FYB1: variants seen among roughly 807,000 people sequenced by gnomAD.
The protein encoded by FYB1 is FYN-binding protein 1.
Under a neutral mutation model 94.1 loss-of-function variants are expected in FYB1, and 41 were observed. The observed-to-expected ratio is 0.44, with a 90% CI of 0.34 to 0.57. The LOEUF is 0.57. FYB1 is among the 20% of genes least tolerant of loss of function. FYB1 has a pLI of 0.02. For synonymous variants in FYB1, 367 were observed against 353.2 expected, an observed-to-expected ratio of 1.04 and a Z score of -0.44; for missense variants, 1,050 against 976.8, an observed-to-expected ratio of 1.07 and a Z score of -1.00.
Position 39,116,099 on chromosome 5 carries a change from C to A in FYB1, c.2401+2775G>T, listed in dbSNP as rs75767989. On this transcript the variant is annotated intron_variant, in intron 16 of 18. Transcript: ENST00000512982. Reference sequence around the variant, plus strand: ...AACACTGACACTTGGAGGTCTCCAGCATGATCAAGCTCCAATAATCCAAGT... The same window carrying A: ...AACACTGACACTTGGAGGTCTCCAGAATGATCAAGCTCCAATAATCCAAGT... 6.3e-3 allele frequency among the ~76,000 whole-genome samples: 961 copies of A among 152,316 alleles called. 10 individuals carry two copies. Among genetic ancestry groups the A allele is most frequent in the African/African-American group, 0.022 (930 of 41,562 alleles).
chr5:39,167,690 T>TG (rs35309006), intron 2 of FYB1, among the ~76,000 whole-genome samples: 13,908 of 152,094 alleles, frequency 0.091, 1,162 homozygotes, highest in East Asian at 0.4. Flanking sequence ...AGGGCAGTGG[T>TG]GGGGGGAAGT....
intron 1 of FYB1, among the ~76,000 whole-genome samples, chr5:39,245,241 T>C (rs1408790068): frequency 1.3e-5 from 2 of 152,172 alleles, no homozygotes; most frequent in Non-Finnish European, 2.9e-5. Flanking sequence ...ATTTTCCTAA[T>C]GCAAAATGAG....
At chr5:39,220,151 G>C (rs771051818), upstream of FYB1, among the ~76,000 whole-genome samples, 65 of 152,084 alleles carry the variant, frequency 4.3e-4, no homozygotes, top group Admixed American at 9.8e-4. Flanking sequence ...GGTCATGCCT[G>C]TAATCCCGGT....
chr5:39,186,816 G>A (rs922517874), intron 2 of FYB1, among the ~76,000 whole-genome samples: 6 of 151,632 alleles, frequency 4.0e-5, no homozygotes, highest in African/African-American at 1.5e-4. Flanking sequence ...GATGTACTAG[G>A]AACTGTGCTA....
chr5:39,148,606 C>T (rs1033966004), intron 3 of FYB1, among the ~76,000 whole-genome samples: 2 of 151,534 alleles, frequency 1.3e-5, no homozygotes, highest in Non-Finnish European at 2.9e-5. Context: ...TGGCAGCTGG[C>T]TACTGATACG....
intron 1 of FYB1, among the ~76,000 whole-genome samples, chr5:39,254,994 G>A (rs1751872248): frequency 6.6e-6 from 1 of 152,128 alleles, no homozygotes; most frequent in South Asian, 2.1e-4. Flanking sequence ...GTAGGGATAT[G>A]TCTAGAAAAA....
At chr5:39,114,938 G>T (rs1739389741) in intron 16 of FYB1, among the ~76,000 whole-genome samples, 1 of 152,136 alleles carries the variant, frequency 6.6e-6, no homozygotes, top group East Asian at 1.9e-4. Context: ...AGCAGCAAAA[G>T]AAGTATCATG....
intron 16 of FYB1, among the ~76,000 whole-genome samples, chr5:39,113,574 T>G (rs1739264522): frequency 6.6e-6 from 1 of 152,150 alleles, no homozygotes; most frequent in African/African-American, 2.4e-5. Flanking sequence ...ATGACTCACC[T>G]TTTAGAAGGG....
intron 14 of FYB1, 59 bp downstream of exon 14, chr5:39,122,277 G>T: frequency 2.6e-6 from 3 of 1,158,338 alleles, no homozygotes; most frequent in South Asian, 1.3e-5. Context: ...TATTTCAGTT[G>T]AATTTTCTTG....
chr5:39,179,712 C>G (rs1746045000), intron 2 of FYB1, among the ~76,000 whole-genome samples: 1 of 152,064 alleles, frequency 6.6e-6, no homozygotes, highest in Non-Finnish European at 1.5e-5. Flanking sequence ...CTCCTGACCT[C>G]AGGTGATCCT....
intron 1 of FYB1, among the ~76,000 whole-genome samples, chr5:39,249,036 A>G (rs1484209490): frequency 6.6e-6 from 1 of 152,244 alleles, no homozygotes; most frequent in African/African-American, 2.4e-5. Context: ...TAAATGCTCA[A>G]CAGTGAAATG....
At chr5:39,256,254 G>A (rs1468168151) in intron 1 of FYB1, among the ~76,000 whole-genome samples, 2 of 152,196 alleles carry the variant, frequency 1.3e-5, no homozygotes, top group Non-Finnish European at 2.9e-5. Flanking sequence ...GGAGAAACCA[G>A]TATTCACAGT....
At chr5:39,247,496 G>A (rs1162339095) in intron 1 of FYB1, among the ~76,000 whole-genome samples, 1 of 151,792 alleles carries the variant, frequency 6.6e-6, no homozygotes, top group Non-Finnish European at 1.5e-5. Flanking sequence ...TCATAGTTTT[G>A]GCACAGTTCA....
At position 39,185,516 on chromosome 5, in the gene FYB1, T is replaced by TAA. The variant is rs150535374; in HGVS notation, c.1135+16308_1135+16309dup. ...AGAAAGGATAGAAAAGATAACTGAC[T>TAA]AAAAAAAAAATATATATATATATAT... is the stretch of plus-strand genomic sequence containing the variant. On this transcript the variant is annotated intron_variant, in intron 2 of 18. Coordinates refer to ENST00000512982, the MANE Select transcript of FYB1 (RefSeq NM_001465.6). Among the ~76,000 whole-genome samples the TAA allele has an allele frequency of 4.8e-3, 527 of 110,698 alleles. 5 individuals are homozygous for TAA. Among genetic ancestry groups the TAA allele is most frequent in the African/African-American group, 0.017 (499 of 29,304 alleles). The allele number at this position is 110,698 out of a possible 152,430, so 72.6% of individuals were successfully genotyped here.
chr5:39,147,514 T>C (rs184625470), intron 3 of FYB1, among the ~76,000 whole-genome samples: 1 of 150,614 alleles, frequency 6.6e-6, no homozygotes, highest in East Asian at 2.0e-4. Flanking sequence ...AAATTTAAAA[T>C]ACAATATAAC....
intron 2 of FYB1, among the ~76,000 whole-genome samples, chr5:39,192,445 T>G (rs753988173): frequency 2.0e-5 from 3 of 152,226 alleles, no homozygotes; most frequent in Non-Finnish European, 4.4e-5. Context: ...GTAAAAACAT[T>G]TATTTATATT....
chr5:39,124,595 T>C (rs1740449107), intron 12 of FYB1, among the ~76,000 whole-genome samples: 1 of 152,134 alleles, frequency 6.6e-6, no homozygotes, highest in Non-Finnish European at 1.5e-5. Flanking sequence ...GGGCATAATA[T>C]CAAGCCAGAG....
rs1166014214 is a variant in FYB1, at chr5:39,107,250, G to A, written c.*193C>T. ...ACATCTCACTAATGTAGTCTTCTGAGTTAACAATTAAGCAGAGAGATTATT... is the reference window on the plus strand; with the variant it reads ...ACATCTCACTAATGTAGTCTTCTGAATTAACAATTAAGCAGAGAGATTATT... On this transcript the variant is annotated 3_prime_UTR_variant, in exon 19 of 19. Transcript: ENST00000512982. 1.5e-5 allele frequency: 6 copies of A among 393,288 alleles called. No individual in the cohort carries two copies. In the East Asian group the frequency reaches 2.3e-4, roughly 15 times the overall value. The allele number at this position is 393,288 out of a possible 1,614,324, so 24.4% of individuals were successfully genotyped here. A position where few individuals can be genotyped will look rare whatever the true frequency, so the allele number is the denominator to read the frequency against.
At chr5:39,158,098 A>G (rs1580416021) in intron 2 of FYB1, among the ~76,000 whole-genome samples, 1 of 152,248 alleles carries the variant, frequency 6.6e-6, no homozygotes, top group Non-Finnish European at 1.5e-5. Flanking sequence ...CAGTTACAGA[A>G]AAATGGGGAG....
Sources: gnomAD v4.1 joint callset for allele counts (sites outside exome capture counted in the v4.1 genomes callset) on GRCh38, gnomAD v4.1.1 for gene constraint, MANE v1.5 for transcripts, NCBI Gene and HGNC (gene_info 2026-07-23, HGNC 2026-07-21) for gene names.